The following ITPRID1 variants were observed in gnomAD, a reference collection of about 807,000 sequenced individuals.
ITPRID1 encodes the protein protein ITPRID1.
A neutral mutation model predicts 95.4 loss-of-function variants in ITPRID1; 96 were observed. The observed-to-expected ratio is 1.01, with a 90% CI of 0.85 to 1.19. The LOEUF is 1.19. Among genes scored for constraint, ITPRID1 ranks in the 50% most tolerant of loss-of-function variants. The pLI, the probability that ITPRID1 is intolerant of heterozygous loss-of-function variation, is 0.00. For synonymous variants in ITPRID1, 510 were observed against 453.6 expected, an observed-to-expected ratio of 1.12 and a Z score of -1.58; for missense variants, 1,339 against 1,252.9, an observed-to-expected ratio of 1.07 and a Z score of -1.04.
At chr7:31,651,873 T>A in intron 13 of ITPRID1, 66 bp from the exon 14 acceptor site, 1 of 1,111,502 alleles carries the variant, frequency 9.0e-7, no homozygotes, top group Non-Finnish European at 1.3e-6. Context: ...TATTATGAGG[T>A]GACAATGGAA....
At chr7:31,595,883 T>C (rs1786067878) in intron 10 of ITPRID1, among the ~76,000 whole-genome samples, 1 of 151,720 alleles carries the variant, frequency 6.6e-6, no homozygotes, top group South Asian at 2.1e-4. Context: ...AATTAAAATA[T>C]CAAAATAAAG....
At chr7:31,592,856 A>G (rs1267206557) in intron 10 of ITPRID1, among the ~76,000 whole-genome samples, 1 of 152,194 alleles carries the variant, frequency 6.6e-6, no homozygotes, top group East Asian at 1.9e-4. Flanking sequence ...AAAACCAAGG[A>G]AGGTTAATTG....
intron 10 of ITPRID1, among the ~76,000 whole-genome samples, chr7:31,640,801 A>G (rs1461925142): frequency 6.6e-6 from 1 of 152,196 alleles, no homozygotes; most frequent in African/African-American, 2.4e-5. Flanking sequence ...CTGTGTAACA[A>G]GAGGCAATGG....
intron 9 of ITPRID1, among the ~76,000 whole-genome samples, chr7:31,578,808 C>T (rs1404928209): frequency 2.6e-5 from 4 of 152,300 alleles, no homozygotes; most frequent in Non-Finnish European, 5.9e-5. Context: ...GTGAAACTTG[C>T]CTTAACCACT....
intron 10 of ITPRID1, among the ~76,000 whole-genome samples, chr7:31,590,876 AC>A (rs1383181333): frequency 6.6e-6 from 1 of 152,220 alleles, no homozygotes; most frequent in Non-Finnish European, 1.5e-5. Flanking sequence ...AGGCACTGTT[AC>A]TATTTCTGTG....
intron 10 of ITPRID1, among the ~76,000 whole-genome samples, chr7:31,596,386 A>C (rs1238325318): frequency 3.5e-5 from 1 of 28,918 alleles, no homozygotes; most frequent in Non-Finnish European, 6.3e-5. Flanking sequence ...GAAACCTCAT[A>C]GGAAATTCTG....
chr7:31,572,835 A>G (rs1338428523), intron 7 of ITPRID1, among the ~76,000 whole-genome samples: 1 of 152,224 alleles, frequency 6.6e-6, no homozygotes, highest in Non-Finnish European at 1.5e-5. Context: ...AAGAGACTGA[A>G]GCCTTTGGAA....
At chr7:31,638,921 C>G (rs2128205629) in intron 10 of ITPRID1, among the ~76,000 whole-genome samples, 1 of 152,150 alleles carries the variant, frequency 6.6e-6, no homozygotes, top group African/African-American at 2.4e-5. Context: ...GGATTACAGG[C>G]ACCTGCCACC....
chr7:31,647,080 A>G (rs4723092), intron 12 of ITPRID1, among the ~76,000 whole-genome samples: 118,572 of 152,268 alleles, frequency 0.78, 46,256 homozygotes, highest in East Asian at 0.83. Context: ...ATACATATGC[A>G]CACAGGCGCA....
chr7:31,576,969 T>C (rs1785207477), intron 8 of ITPRID1, among the ~76,000 whole-genome samples: 1 of 152,120 alleles, frequency 6.6e-6, no homozygotes, highest in African/African-American at 2.4e-5. Context: ...TAGCCCTTGC[T>C]GCATTAGGTC....
intron 10 of ITPRID1, among the ~76,000 whole-genome samples, chr7:31,609,060 T>A (rs1786748342): frequency 6.6e-6 from 1 of 151,722 alleles, no homozygotes. Context: ...CAAATGCTTT[T>A]TTGGCATCAA....
At chr7:31,616,675 A>T (rs1787265996) in intron 10 of ITPRID1, among the ~76,000 whole-genome samples, 1 of 152,134 alleles carries the variant, frequency 6.6e-6, no homozygotes, top group Non-Finnish European at 1.5e-5. Flanking sequence ...TAGCTTAAAG[A>T]GTAGTTTTCA....
At chr7:31,588,753 C>A (rs1488408561) in intron 10 of ITPRID1, among the ~76,000 whole-genome samples, 1 of 151,256 alleles carries the variant, frequency 6.6e-6, no homozygotes, top group Non-Finnish European at 1.5e-5. Context: ...GGAGGAAAAT[C>A]TCCAAATTCT....
chr7:31,577,285 A>C (rs912192132), intron 8 of ITPRID1, among the ~76,000 whole-genome samples: 1 of 152,200 alleles, frequency 6.6e-6, no homozygotes, highest in Non-Finnish European at 1.5e-5. Context: ...GCCATTTACT[A>C]TGTGCCTGGC....
intron 1 of ITPRID1, among the ~76,000 whole-genome samples, chr7:31,536,116 A>C (rs1392151901): frequency 3.9e-5 from 6 of 152,088 alleles, no homozygotes; most frequent in Non-Finnish European, 8.8e-5. Flanking sequence ...ACGGACGATC[A>C]CTTGGTATTT....
At chr7:31,580,406 T>C (rs1291120717) in intron 9 of ITPRID1, among the ~76,000 whole-genome samples, 1 of 152,086 alleles carries the variant, frequency 6.6e-6, no homozygotes, top group African/African-American at 2.4e-5. Flanking sequence ...GACTCTATTG[T>C]CCCTGAAGGT....
In ITPRID1 at chr7:31,642,729, A is replaced by C. The variant is rs143912195; in HGVS notation, c.1359A>C (p.Arg453Ser). ...NSQSPAENGG[R>S]KPRDQSHSLV... is the part of the protein sequence containing the mutation. ...AGAGTCCTGCTGAGAATGGAGGTAGAAAGCCAAGAGATCAGAGCCACAGCT... is the reference window on the plus strand; with the variant it reads ...AGAGTCCTGCTGAGAATGGAGGTAGCAAGCCAAGAGATCAGAGCCACAGCT... The change falls in exon 12 of 15, where the codon AGA (arginine) becomes AGC (serine). Residue 453 changes from arginine (R) to serine (S), a missense_variant. Transcript: ENST00000615280. The C allele has an allele frequency of 8.4e-5, 135 of 1,613,906 alleles. No homozygotes were observed. The highest frequency in any genetic ancestry group is 3.3e-5 in the South Asian group (3 of 91,080).
intron 10 of ITPRID1, among the ~76,000 whole-genome samples, chr7:31,607,381 C>G (rs39737): frequency 0.086 from 13,009 of 152,138 alleles, 787 homozygotes; most frequent in Middle Eastern, 0.13. Context: ...AGGAGGCAAA[C>G]TTTTTGAGAC....
chr7:31,578,066 G>A lies in ITPRID1; in HGVS notation c.802G>A (p.Asp268Asn), dbSNP rs372951947. 1.2e-4 allele frequency: 200 copies of A among 1,613,770 alleles called. No individual in the cohort carries two copies. Among genetic ancestry groups the A allele is most frequent in the Non-Finnish European group, 1.6e-4 (185 of 1,179,866 alleles). The stretch of plus-strand genomic sequence containing the variant: ...AGCTTCCAAACAGAACATCAGGCGG[G>A]ATTGTAACCCAGAGGTATCAGAGTC... ...RRASKQNIRRDCNPEVSESFK... is the reference protein window; with the variant it reads ...RRASKQNIRRNCNPEVSESFK... Residue 268 changes from aspartate to asparagine, a missense_variant, in exon 9 of 15, where the codon GAT becomes AAT. Coordinates refer to ENST00000615280, the MANE Select transcript of ITPRID1 (RefSeq NM_001257967.3).
Sources: allele counts gnomAD v4.1 joint callset (sites outside exome capture counted in the v4.1 genomes callset), GRCh38; gene constraint gnomAD v4.1.1; transcripts MANE v1.5; gene names NCBI Gene and HGNC (gene_info 2026-07-23, HGNC 2026-07-21).